Variants in ADPRS observed in about 807,000 individuals in gnomAD.
ADPRS encodes ADP-ribosylhydrolase ARH3.
ADPRS carries 25 observed loss-of-function variants against 32.1 expected under a neutral mutation model. The observed-to-expected ratio is 0.78, with a 90% CI of 0.57 to 1.09. ADPRS has a LOEUF of 1.09. ADPRS is among the 50% of genes least tolerant of loss of function. ADPRS has a pLI of 0.00. For synonymous variants in ADPRS, 225 were observed against 201.0 expected (o/e 1.12, Z -1.01); for missense variants, 482 against 480.6 (o/e 1.00, Z -0.03).
chr1:36,092,120 G>T (rs375407422), intron 4 of ADPRS, 26 bp downstream of exon 4: 21 of 1,574,500 alleles, frequency 1.3e-5, no homozygotes, highest in Non-Finnish European at 1.7e-5. Flanking sequence ...GAGGTGTGTG[G>T]TGTGGGTATG....
Position 36,091,589 on chromosome 1 carries a change from T to C in ADPRS, c.309-29T>C, listed in dbSNP as rs116182263. ...AACCCTTAGAGGCATCTTGTAAATC[T>C]GAATTCTGTCTCCCCTTCTGTTCCC... is the stretch of plus-strand genomic sequence containing the variant. On this transcript the variant is annotated intron_variant, in intron 2 of 5. Coordinates refer to ENST00000373178, the MANE Select transcript of ADPRS (RefSeq NM_017825.3). 1.2e-3 allele frequency: 1,844 copies of C among 1,549,196 alleles called. 15 individuals carry two copies. In the African/African-American group the frequency reaches 0.023, roughly 19 times the overall value.
chr1:36,091,398 G>T (rs1394603248), intron 2 of ADPRS, 58 bp downstream of exon 2: 2 of 1,518,316 alleles, frequency 1.3e-6, no homozygotes, highest in African/African-American at 1.4e-5. Flanking sequence ...TGCACCCCTT[G>T]ACCAGAGGAA....
At position 36,093,244 on chromosome 1, in the gene ADPRS, C is replaced by G; in HGVS notation, c.950C>G (p.Thr317Ser). The G allele has an allele frequency of 6.2e-7, 1 of 1,614,256 alleles. No homozygotes were observed. Among genetic ancestry groups the G allele is most frequent in the Non-Finnish European group, 8.5e-7 (1 of 1,180,052 alleles). ...YSISLGGDTD[T>S]IATMAGAIAG... ...ATCTCACTTGGTGGGGACACAGACA[C>G]CATTGCCACCATGGCTGGGGCCATT... Residue 317 changes from threonine to serine, a missense_variant, in exon 6 of 6, where the codon ACC becomes AGC. By Grantham distance (58) the Thr-to-Ser change is moderately conservative (BLOSUM62 1). Coordinates refer to ENST00000373178, the MANE Select transcript of ADPRS (RefSeq NM_017825.3).
chr1:36,092,161 G>A (rs1195767576), intron 4 of ADPRS, 67 bp downstream of exon 4: 16 of 1,525,396 alleles, frequency 1.0e-5, no homozygotes, highest in Admixed American at 2.1e-5. Context: ...TGGCATTGCC[G>A]CAAACTGTAA....
At chr1:36,092,399 C>G in intron 4 of ADPRS, 23 bp from the exon 5 acceptor site, 1 of 1,612,830 alleles carries the variant, frequency 6.2e-7, no homozygotes, top group Non-Finnish European at 8.5e-7. Flanking sequence ...TCTGACCTCC[C>G]TGAAATCTCC....
Position 36,091,633 on chromosome 1 carries a change from C to T in ADPRS, c.324C>T (p.Tyr108=), listed in dbSNP as rs1240996196. The change falls in exon 3 of 6, where the codon TAC becomes TAT. Residue 108 remains tyrosine, a synonymous_variant. Coordinates refer to ENST00000373178, the MANE Select transcript of ADPRS (RefSeq NM_017825.3). ...VDMAHRFAQE[Y]KKDPDRGYGA... ...TGTTCCCTAGATTTGCTCAGGAGTACAAGAAAGACCCTGACAGGGGCTATG... is the reference window on the plus strand; with the variant it reads ...TGTTCCCTAGATTTGCTCAGGAGTATAAGAAAGACCCTGACAGGGGCTATG... 3 of 1,603,298 alleles carry T rather than the reference C, an allele frequency of 1.9e-6. No homozygotes were observed. The highest frequency in any genetic ancestry group is 2.2e-5 in the South Asian group (2 of 89,954).
chr1:36,091,264 GAC>G lies in ADPRS; in HGVS notation c.236_237del (p.Thr79SerfsTer17), dbSNP rs1423403189. Reference protein sequence around the residue: ...ERTEALYYTDDTAMARALVQS... With the variant: ...ERTEALYYTDXTAMARALVQS... ...CACAGAAGCCTTGTACTACACAGAT[GAC>G]ACAGCCATGGCCAGGGCCCTGGTGC... is the stretch of plus-strand genomic sequence containing the variant. On this transcript the variant is annotated frameshift_variant, in exon 2 of 6. Transcript: ENST00000373178. LOFTEE classifies it high-confidence loss of function. 6.2e-7 allele frequency: 1 copy of G among 1,614,142 alleles called. No homozygotes were observed.
In ADPRS at chr1:36,092,065, T is replaced by A; in HGVS notation, c.672T>A (p.Gly224=). The change falls in exon 4 of 6, where the codon GGT becomes GGA. Residue 224 remains glycine, a synonymous_variant. Coordinates refer to ENST00000373178, the MANE Select transcript of ADPRS (RefSeq NM_017825.3). Reference sequence around the variant, plus strand: ...TGGGCCACATGGAGGATCTGGAGGGTGATGCCCAGTCCGTCTTGGATGCCA... The same window carrying A: ...TGGGCCACATGGAGGATCTGGAGGGAGATGCCCAGTCCGTCTTGGATGCCA... The part of the protein sequence containing the change: ...QLLGHMEDLE[G]DAQSVLDARE... The A allele has an allele frequency of 6.2e-7, 1 of 1,612,308 alleles. No individual in the cohort carries two copies. The highest frequency in any genetic ancestry group is 8.5e-7 in the Non-Finnish European group (1 of 1,178,952).
chr1:36,091,164 G>A, intron 1 of ADPRS, 80 bp from the exon 2 acceptor site: 1 of 1,177,532 alleles, frequency 8.5e-7, no homozygotes, highest in South Asian at 1.3e-5. Flanking sequence ...GCGAGACTCT[G>A]TCTCCAAAAA....
rs1162722756 is a variant in ADPRS, at chr1:36,090,096, A to G, written c.211+981A>G. ...CGAAACCTAGGAAAAGAATTTCAAA[A>G]TGAAGACACTGATCACTGGTGGTGT... On this transcript the variant is annotated intron_variant, in intron 1 of 5. Coordinates refer to ENST00000373178, the MANE Select transcript of ADPRS (RefSeq NM_017825.3). Among the ~76,000 whole-genome samples, 5 of 152,182 alleles carry G rather than the reference A, an allele frequency of 3.3e-5. No individual in the cohort carries two copies. In the East Asian group the frequency reaches 9.6e-4, roughly 29 times the overall value.
intron 5 of ADPRS, 48 bp downstream of exon 5, chr1:36,092,570 G>T (rs1425690988): frequency 1.3e-6 from 2 of 1,584,178 alleles, no homozygotes; most frequent in Admixed American, 1.7e-5. Flanking sequence ...GTCCTTCAGG[G>T]TCGGTCTTGG....
In ADPRS at chr1:36,092,446, C is replaced by T. The variant is rs781561741; in HGVS notation, c.726C>T (p.Tyr242=). The T allele has an allele frequency of 2.5e-6, 4 of 1,614,080 alleles. No homozygotes were observed. In the East Asian group the frequency reaches 6.7e-5, roughly 27 times the overall value. The change falls in exon 5 of 6, where the codon TAC becomes TAT. Residue 242 remains tyrosine, a synonymous_variant. Transcript: ENST00000373178. ...GGTTGGGCATGGAGGAGCGTCCATA[C>T]TCCAGCCGCCTGAAGAAGATTGGAG... ...ARELGMEERP[Y]SSRLKKIGEL...
chr1:36,091,299 G>C lies in ADPRS; in HGVS notation c.267G>C (p.Leu89=). 1 of 1,614,176 alleles carries C rather than the reference G, an allele frequency of 6.2e-7. No homozygotes were observed. Among genetic ancestry groups the C allele is most frequent in the East Asian group, 2.2e-5 (1 of 44,892 alleles). ...TGGCCAGGGCCCTGGTGCAGTCCCT[G>C]CTAGCCAAGGAGGCCTTTGACGAGG... ...TAMARALVQS[L]LAKEAFDEVD... The change falls in exon 2 of 6, where the codon CTG becomes CTC. Residue 89 remains leucine (L), a synonymous_variant. Transcript: ENST00000373178.
chr1:36,092,205 G>T (rs578209165), intron 4 of ADPRS, 111 bp downstream of exon 4: 2 of 1,397,742 alleles, frequency 1.4e-6, no homozygotes, highest in Non-Finnish European at 1.9e-6. Flanking sequence ...GGGAGGCATG[G>T]GCAGAAGCCC....
Position 36,091,780 on chromosome 1 carries a change from G to A in ADPRS, c.471G>A (p.Val157=). The A allele has an allele frequency of 6.2e-7, 1 of 1,612,182 alleles. No individual in the cohort carries two copies. The highest frequency in any genetic ancestry group is 8.5e-7 in the Non-Finnish European group (1 of 1,178,724). Reference sequence around the variant, plus strand: ...ATGGCAATGGAGGTGCCATGCGGGTGGCTGGCATCTCCCTGGCCTATAGCA... The same window carrying A: ...ATGGCAATGGAGGTGCCATGCGGGTAGCTGGCATCTCCCTGGCCTATAGCA... The part of the protein sequence containing the change: ...GSYGNGGAMR[V]AGISLAYSSV... Residue 157 remains valine (V), a synonymous_variant, in exon 3 of 6, where the codon GTG becomes GTA. Transcript: ENST00000373178.
In ADPRS at chr1:36,089,014, G is replaced by A; in HGVS notation, c.110G>A (p.Gly37Asp). ...GGCGCGCTGCTCGGGGACTGCGTGGGCTCCTTCTACGAGGCCCACGACACC... is the reference window on the plus strand; with the variant it reads ...GGCGCGCTGCTCGGGGACTGCGTGGACTCCTTCTACGAGGCCCACGACACC... ...LAGALLGDCV[G>D]SFYEAHDTVD... is the part of the protein sequence containing the mutation. Residue 37 changes from glycine (G) to aspartate (D), a missense_variant, in exon 1 of 6, where the codon GGC becomes GAC. Transcript: ENST00000373178. The A allele has an allele frequency of 6.8e-7, 1 of 1,478,496 alleles. No individual in the cohort carries two copies. The highest frequency in any genetic ancestry group is 8.9e-7 in the Non-Finnish European group (1 of 1,118,860). 91.6% of individuals were successfully genotyped at this position (1,478,496 alleles called of 1,614,324 possible).
At chr1:36,091,196 AAAAC>A (rs772072193) in intron 1 of ADPRS, 44 bp from the exon 2 acceptor site, 126 of 1,554,336 alleles carry the variant, frequency 8.1e-5, no homozygotes, top group Non-Finnish European at 1.0e-4. Flanking sequence ...AACAACAAAA[AAAAC>A]AAAGGTGAGC....
Position 36,092,084 on chromosome 1 carries a change from G to T in ADPRS, c.691G>T (p.Asp231Tyr). 6.2e-7 allele frequency: 1 copy of T among 1,606,982 alleles called. No homozygotes were observed. Among genetic ancestry groups the T allele is most frequent in the Non-Finnish European group, 8.5e-7 (1 of 1,175,458 alleles). The change falls in exon 4 of 6, where the codon GAT (aspartate) becomes TAT (tyrosine). Residue 231 changes from aspartate to tyrosine, a missense_variant. Physicochemically the swap from Asp to Tyr is radical, Grantham distance 160 (BLOSUM62 -3). Coordinates refer to ENST00000373178, the MANE Select transcript of ADPRS (RefSeq NM_017825.3). Reference sequence around the variant, plus strand: ...GGAGGGTGATGCCCAGTCCGTCTTGGATGCCAGGGAGTGAGTATGGGGCTG... The same window carrying T: ...GGAGGGTGATGCCCAGTCCGTCTTGTATGCCAGGGAGTGAGTATGGGGCTG... ...DLEGDAQSVL[D>Y]ARELGMEERP...
intron 4 of ADPRS, 135 bp from the exon 5 acceptor site, chr1:36,092,287 C>T: frequency 2.6e-6 from 3 of 1,148,850 alleles, no homozygotes; most frequent in South Asian, 3.1e-5. Context: ...CCAGCCCTCT[C>T]CCACCTCTTG....
Sources: gnomAD v4.1 joint callset for allele counts (sites outside exome capture counted in the v4.1 genomes callset) on GRCh38, gnomAD v4.1.1 for gene constraint, MANE v1.5 for transcripts, NCBI Gene and HGNC (gene_info 2026-07-23, HGNC 2026-07-21) for gene names.